FLI1: variants seen among roughly 807,000 people sequenced by gnomAD.
FLI1 encodes Friend leukemia integration 1 transcription factor.
FLI1 carries 13 observed loss-of-function variants against 53.1 expected under a neutral mutation model. The observed-to-expected ratio is 0.24, with a 90% CI of 0.16 to 0.39. FLI1 has a LOEUF of 0.39. Among genes scored for constraint, FLI1 ranks in the 10% least tolerant of loss-of-function variants. FLI1 has a pLI of 1.00. For synonymous variants in FLI1, 244 were observed against 236.7 expected (o/e 1.03, Z -0.28); for missense variants, 424 against 600.5 (o/e 0.71, Z 3.07).
rs369933747 is a variant in FLI1, at chr11:128,720,905, G to C, written c.18+26629G>C. Among the ~76,000 whole-genome samples, 11 of 152,212 alleles carry C rather than the reference G, an allele frequency of 7.2e-5. No individual in the cohort carries two copies. The East Asian group carries it at 1.7e-3, about 24-fold the overall frequency. ...CGGAGGTGGGGAAGGTGCTTTCTGA[G>C]GGCTCTTTGTCTGGCGAGCAAGCCG... On this transcript the variant is annotated intron_variant, in intron 1 of 8. Coordinates refer to ENST00000527786, the MANE Select transcript of FLI1 (RefSeq NM_002017.5).
At chr11:128,720,978 C>A (rs578148477) in intron 1 of FLI1, among the ~76,000 whole-genome samples, 1 of 152,228 alleles carries the variant, frequency 6.6e-6, no homozygotes, top group Non-Finnish European at 1.5e-5. Flanking sequence ...GGCCCTTCCC[C>A]CTCCACCCAG....
chr11:128,757,090 T>TTCTTTCTTTCTTTCTC (rs1940915869), intron 1 of FLI1, among the ~76,000 whole-genome samples: 2 of 140,828 alleles, frequency 1.4e-5, no homozygotes, highest in Admixed American at 7.2e-5. Flanking sequence ...CTTTCTTTCT[T>TTCTTTCTTTCTTTCTC]TCTTTCTTTC....
rs529353982 is a variant in FLI1 at position 128,780,863 on chromosome 11, T to A, written c.590-1095T>A. 5.5e-4 allele frequency among the ~76,000 whole-genome samples: 83 copies of A among 152,276 alleles called. 1 individual carries two copies. The highest frequency in any genetic ancestry group is 1.2e-3 in the South Asian group (6 of 4,826). On this transcript the variant is annotated intron_variant, in intron 4 of 8. Transcript: ENST00000527786. ...TAGCCTCGAATACATGTGTTGAGCT[T>A]ATGGTATGTTTTATAAAAGCAGATC...
At chr11:128,789,423 A>C (rs1163231067) in intron 5 of FLI1, among the ~76,000 whole-genome samples, 1 of 152,204 alleles carries the variant, frequency 6.6e-6, no homozygotes, top group Non-Finnish European at 1.5e-5. Context: ...GTAGGTGGGC[A>C]TGGAGCTGAA....
At chr11:128,697,742 A>G (rs974034840) in intron 1 of FLI1, among the ~76,000 whole-genome samples, 12 of 152,252 alleles carry the variant, frequency 7.9e-5, no homozygotes, top group Non-Finnish European at 1.2e-4. Context: ...CAAATTTACC[A>G]TCATGCATAT....
At chr11:128,716,935 G>A (rs1428603647) in intron 1 of FLI1, among the ~76,000 whole-genome samples, 2 of 152,170 alleles carry the variant, frequency 1.3e-5, no homozygotes, top group Non-Finnish European at 2.9e-5. Flanking sequence ...CGTCACTGTG[G>A]GCATGGGCAC....
chr11:128,765,710 A>G (rs1330961672), intron 2 of FLI1, among the ~76,000 whole-genome samples: 1 of 152,220 alleles, frequency 6.6e-6, no homozygotes, highest in Non-Finnish European at 1.5e-5. Flanking sequence ...CTTCTGCAGC[A>G]CTTGGACTGT....
chr11:128,757,876 T>C (rs1940954531), intron 1 of FLI1, among the ~76,000 whole-genome samples: 1 of 152,132 alleles, frequency 6.6e-6, no homozygotes, highest in South Asian at 2.1e-4. Flanking sequence ...ACAAACCCAC[T>C]TTCATGATTC....
intron 5 of FLI1, 57 bp from the exon 6 acceptor site, chr11:128,805,309 C>A: frequency 9.4e-7 from 1 of 1,058,988 alleles, no homozygotes; most frequent in Non-Finnish European, 1.4e-6. Context: ...AATGCTCATG[C>A]AACTTTTCTG....
intron 1 of FLI1, among the ~76,000 whole-genome samples, chr11:128,752,040 A>G (rs73573722): frequency 0.02 from 3,040 of 151,974 alleles, 116 homozygotes; most frequent in African/African-American, 0.069. Context: ...CTGTGCCGCT[A>G]CATCGGCTCA....
chr11:128,776,031 A>G (rs1288589892), intron 4 of FLI1, among the ~76,000 whole-genome samples: 1 of 152,152 alleles, frequency 6.6e-6, no homozygotes, highest in Non-Finnish European at 1.5e-5. Context: ...TTCATAGGAT[A>G]AGAAGCTTTG....
chr11:128,752,751 G>T (rs1940704186), intron 1 of FLI1, among the ~76,000 whole-genome samples: 1 of 152,194 alleles, frequency 6.6e-6, no homozygotes, highest in Non-Finnish European at 1.5e-5. Context: ...GATTAAATTA[G>T]GTTACTCATG....
chr11:128,748,643 A>G (rs977799392), intron 1 of FLI1, among the ~76,000 whole-genome samples: 2 of 152,036 alleles, frequency 1.3e-5, no homozygotes, highest in African/African-American at 4.8e-5. Context: ...CAAAAAAAAA[A>G]AGAAAGAAAG....
intron 1 of FLI1, among the ~76,000 whole-genome samples, chr11:128,731,728 G>T (rs1294899230): frequency 6.6e-6 from 1 of 152,170 alleles, no homozygotes; most frequent in African/African-American, 2.4e-5. Context: ...AGTAGATGGG[G>T]CGCAGCGGCT....
rs528252910 is a variant in FLI1 at position 128,800,199 on chromosome 11, A to G, written c.656-5167A>G. ...GCTGGGAGCATGAGCAGCCTTGCCC[A>G]TTGCTCGGCTGAAAGGTCTGCATTC... On this transcript the variant is annotated intron_variant, in intron 5 of 8. Transcript: ENST00000527786. Among the ~76,000 whole-genome samples the G allele has an allele frequency of 1.8e-3, 278 of 152,276 alleles. 1 individual carries two copies. The highest frequency in any genetic ancestry group is 5.9e-3 in the African/African-American group (246 of 41,556).
At chr11:128,687,023 G>T (rs535925270) in intron 1 of FLI1, 1 of 157,954 alleles carries the variant, frequency 6.3e-6, no homozygotes, top group South Asian at 1.8e-4. Context: ...AGCGGCTGGC[G>T]CACAGCGTGT....
intron 1 of FLI1, among the ~76,000 whole-genome samples, chr11:128,732,985 C>T (rs369549757): frequency 2.6e-5 from 4 of 152,204 alleles, no homozygotes; most frequent in African/African-American, 9.7e-5. Context: ...CCAAGGGATG[C>T]TCAAAGCTGC....
intron 1 of FLI1, among the ~76,000 whole-genome samples, chr11:128,752,304 G>A (rs184618837): frequency 1.3e-5 from 2 of 152,268 alleles, no homozygotes; most frequent in East Asian, 3.9e-4. Context: ...TTTGTCCCAA[G>A]AACTTCAGGT....
At chr11:128,723,029 G>C (rs942679597) in intron 1 of FLI1, among the ~76,000 whole-genome samples, 2 of 152,164 alleles carry the variant, frequency 1.3e-5, no homozygotes, top group African/African-American at 2.4e-5. Flanking sequence ...CTTCCTCACT[G>C]TGTATCTGCG....
Sources: gnomAD v4.1 joint callset for allele counts (sites outside exome capture counted in the v4.1 genomes callset) on GRCh38, gnomAD v4.1.1 for gene constraint, MANE v1.5 for transcripts, NCBI Gene and HGNC (gene_info 2026-07-23, HGNC 2026-07-21) for gene names.